ACOT11: variants seen among roughly 807,000 people sequenced by gnomAD.
ACOT11 encodes the protein acyl-CoA thioesterase 11, also known as acyl-coenzyme A thioesterase 11.
In ACOT11, 69 loss-of-function variants were observed where a neutral mutation model predicts 77.5. That is an observed-to-expected ratio of 0.89 (90% CI 0.73 to 1.09). The LOEUF (loss-of-function observed/expected upper bound fraction) is 1.09, where lower values mean the gene tolerates loss of function less well. ACOT11 is among the 50% of genes least tolerant of loss of function. The pLI is 0.00. For missense variants in ACOT11, 766 were observed against 813.7 expected, an observed-to-expected ratio of 0.94 and a Z score of 0.71; for synonymous variants, 279 against 313.0, an observed-to-expected ratio of 0.89 and a Z score of 1.15.
chr1:54,627,800 G>C (rs1261690446), intron 15 of ACOT11, among the ~76,000 whole-genome samples: 2 of 133,634 alleles, frequency 1.5e-5, no homozygotes, highest in African/African-American at 5.1e-5. Context: ...AGAACCATCA[G>C]GGACGGGGGC....
At chr1:54,611,537 C>G, downstream of ACOT11, 2 of 1,541,996 alleles carry the variant, frequency 1.3e-6, no homozygotes, top group South Asian at 1.2e-5. Flanking sequence ...CAGCTCTGCT[C>G]CAGTGCCCAC....
In ACOT11 at chr1:54,608,202, G is replaced by A. The variant is rs990070561; in HGVS notation, c.1629+134G>A. ...GCAGGCTCCCCCTTCCAGCCTGGGG[G>A]AGCCTGAGAGTGTCAGGGGCTGAAA... On this transcript the variant is annotated intron_variant, in intron 15 of 15. Coordinates refer to ENST00000343744, the MANE Select transcript of ACOT11 (RefSeq NM_147161.4). The A allele has an allele frequency of 1.1e-5, 9 of 786,622 alleles. No individual in the cohort carries two copies. The Middle Eastern group carries it at 1.2e-3, about 101-fold the overall frequency. The allele number at this position is 786,622 out of a possible 1,614,324, so 48.7% of individuals were successfully genotyped here.
chr1:54,575,203 C>A (rs1654065452), intron 1 of ACOT11, among the ~76,000 whole-genome samples: 1 of 152,218 alleles, frequency 6.6e-6, no homozygotes, highest in African/African-American at 2.4e-5. Flanking sequence ...TGAGATGTCT[C>A]TGAGTGCGGG....
Position 54,610,236 on chromosome 1 carries a change from C to A in ACOT11, c.*1124C>A, listed in dbSNP as rs1644102451. ...TGGTCTGAAGGCCAGGAGCCCTGTG[C>A]TCTTGACATCACTGTACTCCCTCTC... is the stretch of plus-strand genomic sequence containing the variant. On this transcript the variant is annotated 3_prime_UTR_variant, in exon 16 of 16. Transcript: ENST00000343744. The A allele has an allele frequency of 2.1e-6, 3 of 1,444,358 alleles. No homozygotes were observed. In the Admixed American group the frequency reaches 8.4e-5, roughly 41 times the overall value. The allele number at this position is 1,444,358 out of a possible 1,614,324, so 89.5% of individuals were successfully genotyped here.
chr1:54,581,557 T>A (rs184636208), intron 1 of ACOT11, among the ~76,000 whole-genome samples: 1 of 152,276 alleles, frequency 6.6e-6, no homozygotes, highest in East Asian at 1.9e-4. Context: ...GAGCCCATGG[T>A]GTGGCTAGCT....
exon 17 of ACOT11, chr1:54,635,692 G>C (rs1644326716): frequency 6.1e-6 from 1 of 163,912 alleles, no homozygotes; most frequent in African/African-American, 2.4e-5. Flanking sequence ...TGATGACTAT[G>C]CTTTTTAATC....
At chr1:54,550,497 TG>T (rs1332508508) in intron 1 of ACOT11, among the ~76,000 whole-genome samples, 1 of 152,170 alleles carries the variant, frequency 6.6e-6, no homozygotes, top group Non-Finnish European at 1.5e-5. Context: ...CTGTTTTTAA[TG>T]AAAAGCAAAC....
At chr1:54,612,835 G>C (rs1644133855), downstream of ACOT11, 3 of 694,536 alleles carry the variant, frequency 4.3e-6, no homozygotes, top group Non-Finnish European at 7.3e-6. Flanking sequence ...CAGAAGCAGA[G>C]TCCCAAAGGA....
chr1:54,549,187 A>G (rs76156963), intron 1 of ACOT11, among the ~76,000 whole-genome samples: 3,028 of 152,160 alleles, frequency 0.02, 106 homozygotes, highest in African/African-American at 0.07. Flanking sequence ...ATTCCATGTC[A>G]GCCCCTTTCA....
chr1:54,603,995 C>T, intron 11 of ACOT11, 58 bp downstream of exon 11: 4 of 1,519,950 alleles, frequency 2.6e-6, no homozygotes, highest in Non-Finnish European at 3.7e-6. Context: ...CCACCCTTCC[C>T]TGCTTGTCAG....
chr1:54,609,200 T>C lies in ACOT11; in HGVS notation c.*88T>C. On this transcript the variant is annotated 3_prime_UTR_variant, in exon 16 of 16. Coordinates refer to ENST00000343744, the MANE Select transcript of ACOT11 (RefSeq NM_147161.4). ...AGTGCCTGGAGAAAGCCAAAGACCTTTATTTCTTCCTGCCTCCCCGTGGGA... is the reference window on the plus strand; with the variant it reads ...AGTGCCTGGAGAAAGCCAAAGACCTCTATTTCTTCCTGCCTCCCCGTGGGA... 6.3e-7 allele frequency: 1 copy of C among 1,594,542 alleles called. No homozygotes were observed. Among genetic ancestry groups the C allele is most frequent in the Non-Finnish European group, 8.6e-7 (1 of 1,169,024 alleles).
At chr1:54,623,223 T>A in intron 15 of ACOT11, 1 of 1,155,792 alleles carries the variant, frequency 8.7e-7, no homozygotes. Context: ...GAAGTGGGGA[T>A]AAGGAGCGAG....
intron 1 of ACOT11, among the ~76,000 whole-genome samples, chr1:54,568,616 G>A (rs547417091): frequency 7.2e-5 from 11 of 152,098 alleles, no homozygotes; most frequent in African/African-American, 2.7e-4. Context: ...CACTCACTTC[G>A]GCCTCTGAAA....
At chr1:54,553,221 T>G (rs11806105) in intron 1 of ACOT11, among the ~76,000 whole-genome samples, 1 of 150,632 alleles carries the variant, frequency 6.6e-6, no homozygotes, top group Non-Finnish European at 1.5e-5. Context: ...CATTAAAAAA[T>G]TTTTTTTTAA....
intron 16 of ACOT11, among the ~76,000 whole-genome samples, chr1:54,631,150 A>G (rs759635682): frequency 6.6e-6 from 1 of 152,166 alleles, no homozygotes; most frequent in Non-Finnish European, 1.5e-5. Context: ...TCCGGAGGAC[A>G]CTGGGCGAAA....
rs368905886 is a variant in ACOT11 at position 54,608,926 on chromosome 1, G to T, written c.1630-31G>T. On this transcript the variant is annotated intron_variant, in intron 15 of 15. Transcript: ENST00000343744. ...CTTCCCAGGACCCTCCCCTAGCTTG[G>T]TCCCCCTGAGCTTGGCTTCCCACCC... is the stretch of plus-strand genomic sequence containing the variant. 5 of 1,610,940 alleles carry T rather than the reference G, an allele frequency of 3.1e-6. No individual in the cohort carries two copies. The South Asian group carries it at 4.4e-5, about 14-fold the overall frequency.
At chr1:54,610,603 CACCTT>C (rs1228962016), downstream of ACOT11, 1 of 1,590,360 alleles carries the variant, frequency 6.3e-7, no homozygotes, top group East Asian at 2.2e-5. Flanking sequence ...ATTCACAGAA[CACCTT>C]ACCTGGTTGC....
chr1:54,556,091 T>C (rs900324645), intron 1 of ACOT11, among the ~76,000 whole-genome samples: 3 of 152,180 alleles, frequency 2.0e-5, no homozygotes, highest in Admixed American at 2.0e-4. Flanking sequence ...ATTTCATTTT[T>C]CTACATGTGG....
At position 54,629,308 on chromosome 1, in the gene ACOT11, A is replaced by G. The variant is rs1487295517; in HGVS notation, c.1630-1426A>G. 1.5e-5 allele frequency among the ~76,000 whole-genome samples: 2 copies of G among 132,834 alleles called. 1 individual carries two copies. Among genetic ancestry groups the G allele is most frequent in the Non-Finnish European group, 3.4e-5 (2 of 58,894 alleles). 87.1% of individuals were successfully genotyped at this position (132,834 alleles called of 152,430 possible). On this transcript the variant is annotated intron_variant, in intron 15 of 16. Transcript: ENST00000371316. ...TTTCTTTTTTGTTTTTTGTTTTGAG[A>G]TAGAGTCTCACTCTGTTGCCCAGGC...
Sources: allele counts gnomAD v4.1 joint callset (sites outside exome capture counted in the v4.1 genomes callset), GRCh38; gene constraint gnomAD v4.1.1; transcripts MANE v1.5; gene names NCBI Gene and HGNC (gene_info 2026-07-23, HGNC 2026-07-21).